CCNH: variants seen among roughly 807,000 people sequenced by gnomAD.
CCNH encodes cyclin H, also known as cyclin-H.
In CCNH, 31 loss-of-function variants were observed where a neutral mutation model predicts 41.9. The ratio of observed to expected loss-of-function variants is 0.74; its 90% CI spans 0.56 to 1.00. CCNH has a LOEUF of 1.00. Ranked by LOEUF, CCNH falls within the 50% of genes least tolerant of loss-of-function variation. CCNH has a pLI of 0.00. For synonymous variants in CCNH, 138 were observed against 136.1 expected, an observed-to-expected ratio of 1.01 and a Z score of -0.10; for missense variants, 362 against 388.4, an observed-to-expected ratio of 0.93 and a Z score of 0.57.
At chr5:87,315,573 T>G (rs1312217130), downstream of CCNH, among the ~76,000 whole-genome samples, 1 of 152,242 alleles carries the variant, frequency 6.6e-6, no homozygotes, top group Non-Finnish European at 1.5e-5. Flanking sequence ...ATCTTGTGTT[T>G]TTAAAGAAGT....
downstream of CCNH, chr5:87,372,238 T>C (rs370633071): frequency 6.5e-7 from 1 of 1,547,774 alleles, no homozygotes. Flanking sequence ...CACATTTTGC[T>C]CTAACACTTT....
intron 9 of CCNH, chr5:87,330,789 A>G (rs898277725): frequency 2.3e-6 from 1 of 442,934 alleles, no homozygotes. Flanking sequence ...ATGTATAGTC[A>G]TGGAGTAGAT....
chr5:87,403,924 T>A (rs1190914946), intron 5 of CCNH, among the ~76,000 whole-genome samples: 1 of 152,248 alleles, frequency 6.6e-6, no homozygotes, highest in Non-Finnish European at 1.5e-5. Context: ...TGCATAGTAG[T>A]ACATAGAAGG....
intron 9 of CCNH, among the ~76,000 whole-genome samples, chr5:87,344,487 T>C (rs1758701113): frequency 6.6e-6 from 1 of 152,040 alleles, no homozygotes; most frequent in Admixed American, 6.6e-5. Context: ...ATCTCCAGCA[T>C]GTAGGTCTTC....
chr5:87,408,315 G>T, intron 3 of CCNH, 129 bp from the exon 4 acceptor site: 1 of 502,380 alleles, frequency 2.0e-6, no homozygotes. Flanking sequence ...ATTCAAAAGC[G>T]ACTGCTAGAC....
At chr5:87,348,135 C>T (rs533194014) in intron 9 of CCNH, among the ~76,000 whole-genome samples, 98 of 152,106 alleles carry the variant, frequency 6.4e-4, no homozygotes, top group African/African-American at 2.3e-3. Flanking sequence ...GAAACACTTT[C>T]ATTTTAGCCC....
chr5:87,411,912 G>T (rs1429229437), intron 1 of CCNH, among the ~76,000 whole-genome samples: 1 of 152,118 alleles, frequency 6.6e-6, no homozygotes, highest in Non-Finnish European at 1.5e-5. Flanking sequence ...TGGAGGCACT[G>T]AACACTTGCT....
chr5:87,342,167 T>C (rs557873712), intron 9 of CCNH, among the ~76,000 whole-genome samples: 8 of 151,376 alleles, frequency 5.3e-5, no homozygotes, highest in Non-Finnish European at 1.0e-4. Context: ...TTTTTCTTTT[T>C]TTTTTTTTTT....
At chr5:87,314,243 T>C (rs1012341792), downstream of CCNH, among the ~76,000 whole-genome samples, 1 of 152,144 alleles carries the variant, frequency 6.6e-6, no homozygotes, top group African/African-American at 2.4e-5. Context: ...AAATGACAGG[T>C]AGTCCAGTGG....
At chr5:87,410,769 G>A (rs1764172037) in intron 2 of CCNH, among the ~76,000 whole-genome samples, 1 of 152,026 alleles carries the variant, frequency 6.6e-6, no homozygotes, top group Admixed American at 6.6e-5. Flanking sequence ...TTTCACCAAA[G>A]ATAAAACTCC....
intron 9 of CCNH, among the ~76,000 whole-genome samples, chr5:87,331,884 C>G (rs956809837): frequency 2.0e-5 from 3 of 152,026 alleles, no homozygotes; most frequent in Non-Finnish European, 2.9e-5. Context: ...CTTCACTATT[C>G]TAAAACTCTT....
At chr5:87,370,082 AAC>A (rs1207191338) in intron 9 of CCNH, among the ~76,000 whole-genome samples, 3 of 152,202 alleles carry the variant, frequency 2.0e-5, no homozygotes, top group African/African-American at 4.8e-5. Context: ...TGCAAAAACA[AAC>A]ACAGTGAAGG....
intron 9 of CCNH, among the ~76,000 whole-genome samples, chr5:87,384,167 A>G (rs1269053397): frequency 1.3e-5 from 2 of 152,170 alleles, no homozygotes; most frequent in African/African-American, 2.4e-5. Flanking sequence ...ATTAAATGAT[A>G]TGTACAGTTG....
At chr5:87,400,033 T>C (rs1308873892) in intron 6 of CCNH, among the ~76,000 whole-genome samples, 2 of 152,372 alleles carry the variant, frequency 1.3e-5, no homozygotes, top group African/African-American at 4.8e-5. Context: ...ATGTCCACTT[T>C]AGGTTAAAAG....
At chr5:87,359,586 C>T (rs1759921752) in intron 9 of CCNH, among the ~76,000 whole-genome samples, 1 of 152,244 alleles carries the variant, frequency 6.6e-6, no homozygotes, top group Non-Finnish European at 1.5e-5. Context: ...TCTTAAATGA[C>T]AGACTCCAAG....
At chr5:87,359,178 G>A (rs1321005897) in intron 9 of CCNH, among the ~76,000 whole-genome samples, 2 of 152,106 alleles carry the variant, frequency 1.3e-5, no homozygotes, top group Non-Finnish European at 2.9e-5. Context: ...ATTAAATGGC[G>A]TTTTCCTACA....
At chr5:87,323,868 A>C (rs1478394429) in intron 9 of CCNH, among the ~76,000 whole-genome samples, 1 of 152,128 alleles carries the variant, frequency 6.6e-6, no homozygotes, top group Non-Finnish European at 1.5e-5. Context: ...CTAAAATTCT[A>C]AGACTGAGAC....
chr5:87,368,535 C>T lies in CCNH; in HGVS notation c.*90+24235G>A, dbSNP rs183559274. On this transcript the variant is annotated intron_variant and NMD_transcript_variant, in intron 9 of 9. Transcript: ENST00000645953. ...AAAACTATGGAAACTAATGTTATTG[C>T]GTCCAGAAAGAATTGTTCTTACGGA... is the stretch of plus-strand genomic sequence containing the variant. Among the ~76,000 whole-genome samples the T allele has an allele frequency of 2.5e-3, 377 of 152,134 alleles. 1 individual carries two copies. Among genetic ancestry groups the T allele is most frequent in the African/African-American group, 8.6e-3 (355 of 41,518 alleles).
chr5:87,391,352 A>G, downstream of CCNH: 1 of 286,316 alleles, frequency 3.5e-6, no homozygotes, highest in South Asian at 8.1e-5. Flanking sequence ...GAATATGACC[A>G]TTTGACTGTT....
Sources: allele counts gnomAD v4.1 joint callset (sites outside exome capture counted in the v4.1 genomes callset), GRCh38; gene constraint gnomAD v4.1.1; transcripts MANE v1.5; gene names NCBI Gene and HGNC (gene_info 2026-07-23, HGNC 2026-07-21).